RIMS4: variants seen among roughly 807,000 people sequenced by gnomAD.
The protein encoded by RIMS4 is regulating synaptic membrane exocytosis 4, also known as regulating synaptic membrane exocytosis protein 4.
A neutral mutation model predicts 29.0 loss-of-function variants in RIMS4; 9 were observed. The ratio of observed to expected loss-of-function variants is 0.31; its 90% CI spans 0.19 to 0.54. The LOEUF (loss-of-function observed/expected upper bound fraction) is 0.54. RIMS4 is among the 20% of genes least tolerant of loss of function. The pLI is 0.94. For missense variants in RIMS4, 193 were observed against 365.7 expected, an observed-to-expected ratio of 0.53 and a Z score of 3.85; for synonymous variants, 130 against 152.9, an observed-to-expected ratio of 0.85 and a Z score of 1.10.
intron 1 of RIMS4, among the ~76,000 whole-genome samples, chr20:44,785,768 T>G (rs1253450759): frequency 6.7e-6 from 1 of 150,318 alleles, no homozygotes; most frequent in African/African-American, 2.5e-5. Context: ...TTTTTTTTTT[T>G]GCCAACTCTG....
chr20:44,786,580 A>G (rs2066209711), intron 1 of RIMS4, among the ~76,000 whole-genome samples: 1 of 152,240 alleles, frequency 6.6e-6, no homozygotes, highest in Non-Finnish European at 1.5e-5. Context: ...TCTAGGGTGG[A>G]AGACAGACAG....
At chr20:44,767,810 T>C (rs2066120342) in intron 2 of RIMS4, among the ~76,000 whole-genome samples, 2 of 152,218 alleles carry the variant, frequency 1.3e-5, no homozygotes, top group Admixed American at 1.3e-4. Flanking sequence ...TGTCTGCACA[T>C]AGTAAGTGTT....
Position 44,810,224 on chromosome 20 carries a change from C to G in RIMS4, c.48G>C (p.Ala16=). 6.3e-7 allele frequency: 1 copy of G among 1,576,056 alleles called. No individual in the cohort carries two copies. Among genetic ancestry groups the G allele is most frequent in the Non-Finnish European group, 8.6e-7 (1 of 1,158,212 alleles). The change falls in exon 1 of 6, where the codon GCG becomes GCC. Residue 16 remains alanine, a synonymous_variant. Transcript: ENST00000372851. ...TCATGCACGGGAAGTAGATGGCGAG[C>G]GCCTCGAAGGAGGCGGACAGACTGA... The part of the protein sequence containing the change: ...SRLSLSASFE[A]LAIYFPCMNS...
chr20:44,764,228 G>GTCCATCCATTTA (rs2066103556), intron 2 of RIMS4, among the ~76,000 whole-genome samples: 1 of 66,072 alleles, frequency 1.5e-5, no homozygotes, highest in Non-Finnish European at 3.1e-5. Context: ...CCATCCATCC[G>GTCCATCCATTTA]TCCATCCATT....
chr20:44,767,215 C>T (rs181245278), intron 2 of RIMS4, among the ~76,000 whole-genome samples: 31 of 152,296 alleles, frequency 2.0e-4, no homozygotes, highest in African/African-American at 4.8e-4. Flanking sequence ...CTAGAACACA[C>T]GTCAATAGGG....
rs888793162 is a variant in RIMS4, at chr20:44,777,658, G to C, written c.98-6245C>G. On this transcript the variant is annotated intron_variant, in intron 1 of 5. Coordinates refer to ENST00000372851, the MANE Select transcript of RIMS4 (RefSeq NM_182970.4). ...ACCACGAGACCTCAGGGATGTGTTG[G>C]GGGGAGGGAGAAGGAGAGAACTCAA... Among the ~76,000 whole-genome samples the C allele has an allele frequency of 3.3e-5, 5 of 152,152 alleles. No homozygotes were observed. The East Asian group carries it at 7.7e-4, about 23-fold the overall frequency.
rs936011361 is a variant in RIMS4 at position 44,765,784 on chromosome 20, C to T, written c.236+5491G>A. Among the ~76,000 whole-genome samples the T allele has an allele frequency of 4.1e-4, 62 of 152,188 alleles. 1 individual carries two copies. Among genetic ancestry groups the T allele is most frequent in the Admixed American group, 3.6e-3 (55 of 15,292 alleles). The stretch of plus-strand genomic sequence containing the variant: ...CCCAGACACTCAGAGACCTGGATGC[C>T]GATGACCCAGACATCTCGGGACAAC... On this transcript the variant is annotated intron_variant, in intron 2 of 5. Coordinates refer to ENST00000372851, the MANE Select transcript of RIMS4 (RefSeq NM_182970.4).
At chr20:44,770,366 G>A (rs2066131520) in intron 2 of RIMS4, among the ~76,000 whole-genome samples, 1 of 152,112 alleles carries the variant, frequency 6.6e-6, no homozygotes, top group African/African-American at 2.4e-5. Context: ...GGGATCCATG[G>A]ATGGTTTTAG....
At chr20:44,798,172 A>G (rs2066262769) in intron 1 of RIMS4, among the ~76,000 whole-genome samples, 1 of 152,244 alleles carries the variant, frequency 6.6e-6, no homozygotes, top group Non-Finnish European at 1.5e-5. Flanking sequence ...CAAGGTGCAA[A>G]GTAGAAAGTC....
intron 2 of RIMS4, among the ~76,000 whole-genome samples, chr20:44,759,299 G>A (rs998214947): frequency 6.6e-6 from 1 of 152,070 alleles, no homozygotes; most frequent in Non-Finnish European, 1.5e-5. Context: ...GCCCAGTCTG[G>A]AGTGCAGTGG....
At chr20:44,771,496 T>TG in intron 1 of RIMS4, 83 bp from the exon 2 acceptor site, 4 of 1,475,708 alleles carry the variant, frequency 2.7e-6, no homozygotes, top group Non-Finnish European at 3.7e-6. Flanking sequence ...TGGTTAGCAG[T>TG]GTTTCAGCAG....
intron 1 of RIMS4, among the ~76,000 whole-genome samples, chr20:44,788,251 A>T (rs923487978): frequency 4.6e-5 from 7 of 152,226 alleles, no homozygotes; most frequent in Admixed American, 1.3e-4. Flanking sequence ...AAAAAAAATT[A>T]AGAATTCAGT....
intron 1 of RIMS4, among the ~76,000 whole-genome samples, chr20:44,795,056 C>T (rs1454308610): frequency 6.6e-6 from 1 of 152,210 alleles, no homozygotes; most frequent in Non-Finnish European, 1.5e-5. Context: ...AACAACATAC[C>T]CCTTTCCCTG....
intron 1 of RIMS4, among the ~76,000 whole-genome samples, chr20:44,801,678 T>C (rs2066277913): frequency 6.6e-6 from 1 of 152,162 alleles, no homozygotes; most frequent in Non-Finnish European, 1.5e-5. Flanking sequence ...GATGCATTGC[T>C]CATTTTGACT....
chr20:44,807,075 A>G (rs1016624078), intron 1 of RIMS4, among the ~76,000 whole-genome samples: 9 of 145,122 alleles, frequency 6.2e-5, no homozygotes, highest in African/African-American at 2.2e-4. Flanking sequence ...AAGGCTGGGC[A>G]ACAAAACACA....
rs2066068439 is a variant in RIMS4 at position 44,758,080 on chromosome 20, G to C, written c.341C>G (p.Thr114Arg). ...AGCCTTGGGGCACTCACCCATGGGTGTGGTGGCCAGGGTCTGGCGGCCCAC... is the reference window on the plus strand; with the variant it reads ...AGCCTTGGGGCACTCACCCATGGGTCTGGTGGCCAGGGTCTGGCGGCCCAC... ...QFVGRQTLAT[T>R]PMGDVEIGLQ... is the part of the protein sequence containing the mutation. Residue 114 changes from threonine (T) to arginine (R), a missense_variant, in exon 3 of 6, where the codon ACA (threonine) becomes AGA (arginine). By Grantham distance (71) the Thr-to-Arg change is moderately conservative (BLOSUM62 -1). Transcript: ENST00000372851. The C allele has an allele frequency of 6.2e-7, 1 of 1,608,494 alleles. No individual in the cohort carries two copies. Among genetic ancestry groups the C allele is most frequent in the African/African-American group, 1.3e-5 (1 of 74,804 alleles).
At chr20:44,770,885 A>T (rs1001057784) in intron 2 of RIMS4, among the ~76,000 whole-genome samples, 6 of 152,238 alleles carry the variant, frequency 3.9e-5, no homozygotes, top group African/African-American at 7.2e-5. Flanking sequence ...TACAGCACTT[A>T]GTGCCAAACA....
chr20:44,810,081 G>A, intron 1 of RIMS4, 94 bp downstream of exon 1: 1 of 606,628 alleles, frequency 1.6e-6, no homozygotes, highest in Non-Finnish European at 2.9e-6. Context: ...CAGGGGATTG[G>A]GGGTGGGGAG....
At chr20:44,765,857 C>A (rs774190929) in intron 2 of RIMS4, among the ~76,000 whole-genome samples, 1 of 152,180 alleles carries the variant, frequency 6.6e-6, no homozygotes. Context: ...CAGCCTGGAG[C>A]GCTTCTGGGT....
Sources: allele counts gnomAD v4.1 joint callset (sites outside exome capture counted in the v4.1 genomes callset), GRCh38; gene constraint gnomAD v4.1.1; transcripts MANE v1.5; gene names NCBI Gene and HGNC (gene_info 2026-07-23, HGNC 2026-07-21).